KHDRBS3: variants seen among roughly 807,000 people sequenced by gnomAD.
KHDRBS3 encodes the protein KH domain-containing, RNA-binding, signal transduction-associated protein 3.
A neutral mutation model predicts 45.6 loss-of-function variants in KHDRBS3; 23 were observed. The observed-to-expected ratio is 0.50, with a 90% CI of 0.36 to 0.72. KHDRBS3 has a LOEUF of 0.72. Ranked by LOEUF, KHDRBS3 falls within the 30% of genes least tolerant of loss-of-function variation. The probability of loss-of-function intolerance (pLI) is 0.00; values close to 1 mark genes in which losing one functional copy is unlikely to be tolerated. For synonymous variants in KHDRBS3, 162 were observed against 156.5 expected (o/e 1.04, Z -0.26); for missense variants, 352 against 424.8 (o/e 0.83, Z 1.51).
intron 1 of KHDRBS3, among the ~76,000 whole-genome samples, chr8:135,504,727 C>T (rs539062448): frequency 6.6e-6 from 1 of 152,220 alleles, no homozygotes; most frequent in East Asian, 1.9e-4. Flanking sequence ...TTGCATATTC[C>T]CAGATTATAT....
At chr8:135,583,176 A>G (rs906445981) in intron 6 of KHDRBS3, among the ~76,000 whole-genome samples, 7 of 152,162 alleles carry the variant, frequency 4.6e-5, no homozygotes, top group Admixed American at 2.0e-4. Context: ...TCTCTCTCCC[A>G]CCTAGCTTGT....
At chr8:135,621,248 A>G (rs908838889) in intron 7 of KHDRBS3, among the ~76,000 whole-genome samples, 6 of 152,184 alleles carry the variant, frequency 3.9e-5, no homozygotes, top group African/African-American at 1.4e-4. Context: ...TCTGATAAGC[A>G]GCCAAAGGTT....
intron 6 of KHDRBS3, among the ~76,000 whole-genome samples, chr8:135,582,956 G>T (rs1828287202): frequency 1.3e-5 from 2 of 152,224 alleles, no homozygotes; most frequent in South Asian, 4.1e-4. Context: ...CTTTGTCTTG[G>T]ACATATTTAA....
At chr8:135,642,572 G>A (rs1332232197) in intron 7 of KHDRBS3, among the ~76,000 whole-genome samples, 1 of 152,120 alleles carries the variant, frequency 6.6e-6, no homozygotes, top group Non-Finnish European at 1.5e-5. Context: ...GGTATATTAG[G>A]TCAGCTGTAG....
At chr8:135,580,662 GAGTGC>G (rs1828160249) in intron 5 of KHDRBS3, among the ~76,000 whole-genome samples, 1 of 148,990 alleles carries the variant, frequency 6.7e-6, no homozygotes, top group Non-Finnish European at 1.5e-5. Context: ...ACCCAGGCTG[GAGTGC>G]AGTGGTGTGA....
At chr8:135,501,337 C>G (rs1045066510) in intron 1 of KHDRBS3, among the ~76,000 whole-genome samples, 1 of 152,172 alleles carries the variant, frequency 6.6e-6, no homozygotes, top group African/African-American at 2.4e-5. Context: ...GGCATTCAGA[C>G]TTTTAAAAGG....
intron 7 of KHDRBS3, among the ~76,000 whole-genome samples, chr8:135,639,744 G>A (rs1586847343): frequency 6.6e-6 from 1 of 152,302 alleles, no homozygotes; most frequent in East Asian, 1.9e-4. Context: ...AGTGGGAGCG[G>A]AGAAAGAACA....
chr8:135,480,495 ATACTT>A (rs1167007505), intron 1 of KHDRBS3, among the ~76,000 whole-genome samples: 1 of 152,170 alleles, frequency 6.6e-6, no homozygotes, highest in African/African-American at 2.4e-5. Context: ...AATGTAGTAT[ATACTT>A]TACTGGATTA....
At chr8:135,478,988 T>G (rs146869696) in intron 1 of KHDRBS3, among the ~76,000 whole-genome samples, 43 of 152,076 alleles carry the variant, frequency 2.8e-4, no homozygotes, top group African/African-American at 9.2e-4. Flanking sequence ...AGAAAATTAA[T>G]AGAGAAAAGT....
At chr8:135,482,084 A>G (rs572822069) in intron 1 of KHDRBS3, among the ~76,000 whole-genome samples, 52 of 152,354 alleles carry the variant, frequency 3.4e-4, no homozygotes, top group Middle Eastern at 6.8e-3. Flanking sequence ...CTAAACAGTA[A>G]TAGGCACACT....
intron 1 of KHDRBS3, among the ~76,000 whole-genome samples, chr8:135,459,464 C>G (rs780711348): frequency 9.2e-5 from 14 of 152,174 alleles, no homozygotes; most frequent in Non-Finnish European, 1.6e-4. Flanking sequence ...TATTTCTATG[C>G]CCTCTGAACA....
intron 6 of KHDRBS3, among the ~76,000 whole-genome samples, chr8:135,595,735 C>G (rs1471938805): frequency 1.3e-5 from 2 of 152,130 alleles, no homozygotes; most frequent in Non-Finnish European, 1.5e-5. Flanking sequence ...GGCTGTTGTT[C>G]TCAAGGAAGA....
chr8:135,655,660 C>T (rs563795991), intron 4 of KHDRBS3, among the ~76,000 whole-genome samples: 2 of 152,268 alleles, frequency 1.3e-5, no homozygotes, highest in African/African-American at 4.8e-5. Context: ...GGGCCTGGGA[C>T]TTGTATGACC....
Position 135,607,051 on chromosome 8 carries a change from T to C in KHDRBS3, c.890+14T>C. On this transcript the variant is annotated intron_variant, in intron 7 of 8. Transcript: ENST00000355849. ...CCCAGCCCAAAGGTAAGAGTCAGTC[T>C]TTATTACCAGACCCCACAACAGAAA... 6.3e-7 allele frequency: 1 copy of C among 1,590,948 alleles called. No homozygotes were observed. Among genetic ancestry groups the C allele is most frequent in the Non-Finnish European group, 8.6e-7 (1 of 1,159,682 alleles).
intron 5 of KHDRBS3, among the ~76,000 whole-genome samples, chr8:135,573,073 C>A (rs1371050530): frequency 1.3e-5 from 2 of 152,202 alleles, no homozygotes; most frequent in Admixed American, 6.5e-5. Context: ...CTCACTGTGA[C>A]CCCTGATAGA....
Position 135,525,683 on chromosome 8 carries a change from T to A in KHDRBS3, c.207+4328T>A, listed in dbSNP as rs149341024. ...AGAAAATTACGTTACAAACATTTCA[T>A]AGACAGACTCATTACTCAAACAAAA... On this transcript the variant is annotated intron_variant, in intron 2 of 8. Coordinates refer to ENST00000355849, the MANE Select transcript of KHDRBS3 (RefSeq NM_006558.3). Among the ~76,000 whole-genome samples, 159 of 152,338 alleles carry A rather than the reference T, an allele frequency of 1.0e-3. 1 individual carries two copies. Among genetic ancestry groups the A allele is most frequent in the African/African-American group, 3.7e-3 (152 of 41,568 alleles).
At chr8:135,535,177 AT>A (rs1825673059) in intron 2 of KHDRBS3, among the ~76,000 whole-genome samples, 2 of 151,240 alleles carry the variant, frequency 1.3e-5, no homozygotes, top group South Asian at 4.2e-4. Context: ...TTGTGTGAAA[AT>A]CATATAGTTT....
At chr8:135,480,793 C>T (rs1442826897) in intron 1 of KHDRBS3, among the ~76,000 whole-genome samples, 2 of 152,082 alleles carry the variant, frequency 1.3e-5, no homozygotes, top group South Asian at 2.1e-4. Flanking sequence ...TTTCTTAAGT[C>T]GTCAGAAAGT....
intron 1 of KHDRBS3, chr8:135,458,299 G>C (rs1480595636): frequency 1.5e-6 from 1 of 684,856 alleles, no homozygotes; most frequent in Non-Finnish European, 1.9e-6. Flanking sequence ...TGTCATGGAA[G>C]GGGAGCGTGT....
Sources: allele counts gnomAD v4.1 joint callset (sites outside exome capture counted in the v4.1 genomes callset), GRCh38; gene constraint gnomAD v4.1.1; transcripts MANE v1.5; gene names NCBI Gene and HGNC (gene_info 2026-07-23, HGNC 2026-07-21).